Variants in FSTL5 observed in about 807,000 individuals in gnomAD.
FSTL5 encodes the protein follistatin-related protein 5.
A neutral mutation model predicts 89.1 loss-of-function variants in FSTL5; 62 were observed. That is an observed-to-expected ratio of 0.70 (90% CI 0.57 to 0.86). The LOEUF is 0.86. Among genes scored for constraint, FSTL5 ranks in the 40% least tolerant of loss-of-function variants. The pLI, the probability that FSTL5 is intolerant of heterozygous loss-of-function variation, is 0.00. For synonymous variants in FSTL5, 383 were observed against 346.2 expected (o/e 1.11, Z -1.18); for missense variants, 1,057 against 1,001.6 (o/e 1.06, Z -0.75).
intron 3 of FSTL5, among the ~76,000 whole-genome samples, chr4:161,977,633 AAAAAAAAAT>A (rs1487423682): frequency 1.2e-4 from 13 of 112,536 alleles, no homozygotes; most frequent in African/African-American, 7.3e-5. Context: ...AAAAAAAAAA[AAAAAAAAAT>A]AATAATAATA....
At chr4:161,990,300 C>G (rs1378202872) in intron 3 of FSTL5, among the ~76,000 whole-genome samples, 3 of 152,000 alleles carry the variant, frequency 2.0e-5, no homozygotes, top group Admixed American at 1.3e-4. Flanking sequence ...TAACAAAATG[C>G]CTTCTTTATC....
intron 2 of FSTL5, 143 bp from the exon 3 acceptor site, chr4:162,033,801 C>A (rs2111198268): frequency 1.9e-6 from 1 of 536,266 alleles, no homozygotes; most frequent in East Asian, 3.3e-5. Flanking sequence ...AAAATATTTA[C>A]ATATAATTTT....
intron 4 of FSTL5, among the ~76,000 whole-genome samples, chr4:161,831,700 C>G (rs568692061): frequency 2.0e-5 from 3 of 151,676 alleles, no homozygotes; most frequent in Admixed American, 6.6e-5. Context: ...AAAGTAAGAA[C>G]TTTTTAGGAA....
At chr4:161,959,460 A>G (rs1735112736) in intron 3 of FSTL5, among the ~76,000 whole-genome samples, 1 of 152,092 alleles carries the variant, frequency 6.6e-6, no homozygotes, top group Admixed American at 6.6e-5. Context: ...ATAGTTTCTA[A>G]TGAATTAATG....
intron 8 of FSTL5, among the ~76,000 whole-genome samples, chr4:161,555,218 G>A (rs1007320934): frequency 4.0e-5 from 6 of 151,434 alleles, no homozygotes; most frequent in African/African-American, 1.5e-4. Context: ...TTTTGAAAGA[G>A]ACAGTTCACC....
chr4:161,747,638 T>G (rs1740246322), intron 6 of FSTL5, among the ~76,000 whole-genome samples: 1 of 152,150 alleles, frequency 6.6e-6, no homozygotes, highest in Non-Finnish European at 1.5e-5. Context: ...ACAACTAGGG[T>G]CTGTTTACCT....
At chr4:161,407,826 C>T (rs1731438907) in intron 15 of FSTL5, among the ~76,000 whole-genome samples, 3 of 152,306 alleles carry the variant, frequency 2.0e-5, no homozygotes, top group Admixed American at 6.5e-5. Context: ...CACTGCCCAG[C>T]CTGAGTGCTT....
chr4:161,826,602 T>TTTG (rs1242847448), intron 4 of FSTL5, among the ~76,000 whole-genome samples: 1 of 151,552 alleles, frequency 6.6e-6, no homozygotes, highest in Non-Finnish European at 1.5e-5. Flanking sequence ...GGATTGTCAT[T>TTTG]TTGTTGTTGT....
chr4:161,477,430 T>C (rs1729322297), intron 13 of FSTL5, among the ~76,000 whole-genome samples: 1 of 150,104 alleles, frequency 6.7e-6, no homozygotes, highest in South Asian at 2.1e-4. Flanking sequence ...AAATTATTAA[T>C]TATTATAGTT....
At chr4:161,531,552 A>C (rs931258083) in intron 10 of FSTL5, among the ~76,000 whole-genome samples, 1 of 152,226 alleles carries the variant, frequency 6.6e-6, no homozygotes, top group Non-Finnish European at 1.5e-5. Flanking sequence ...TAATTCTCAA[A>C]TATATAATAG....
chr4:161,659,948 C>G (rs756191060), intron 6 of FSTL5, among the ~76,000 whole-genome samples: 1 of 152,120 alleles, frequency 6.6e-6, no homozygotes, highest in African/African-American at 2.4e-5. Flanking sequence ...ATCCTTTCTG[C>G]TCTAATGACC....
At chr4:161,428,553 T>C (rs910818109) in intron 15 of FSTL5, among the ~76,000 whole-genome samples, 4 of 152,174 alleles carry the variant, frequency 2.6e-5, no homozygotes, top group Admixed American at 6.5e-5. Flanking sequence ...GTTAGGGCAA[T>C]TGGCAGAGCT....
chr4:162,099,117 T>C (rs1189929234), intron 2 of FSTL5, among the ~76,000 whole-genome samples: 1 of 152,132 alleles, frequency 6.6e-6, no homozygotes, highest in Admixed American at 6.6e-5. Context: ...ACTGGGATAG[T>C]CATCACCTCG....
At chr4:161,852,653 T>C (rs1188086485) in intron 4 of FSTL5, among the ~76,000 whole-genome samples, 1 of 152,158 alleles carries the variant, frequency 6.6e-6, no homozygotes, top group Non-Finnish European at 1.5e-5. Context: ...TATAAAGATA[T>C]GTGAATCTGT....
In FSTL5 at chr4:161,979,062, T is replaced by G. The variant is rs568179025; in HGVS notation, c.160+54563A>C. Reference sequence around the variant, plus strand: ...TTATCAGACTGTTATAAAGATTAGATCAAGCTAATGCATTAAATCATGAGA... The same window carrying G: ...TTATCAGACTGTTATAAAGATTAGAGCAAGCTAATGCATTAAATCATGAGA... On this transcript the variant is annotated intron_variant, in intron 3 of 15. Coordinates refer to ENST00000306100, the MANE Select transcript of FSTL5 (RefSeq NM_020116.5). Among the ~76,000 whole-genome samples the G allele has an allele frequency of 2.0e-5, 3 of 152,318 alleles. No individual in the cohort carries two copies. In the South Asian group the frequency reaches 6.2e-4, roughly 32 times the overall value.
chr4:161,956,052 T>C (rs994467641), intron 3 of FSTL5, among the ~76,000 whole-genome samples: 3 of 151,894 alleles, frequency 2.0e-5, no homozygotes, highest in African/African-American at 7.2e-5. Flanking sequence ...AGGATATTGA[T>C]TGTCATAGTG....
intron 2 of FSTL5, among the ~76,000 whole-genome samples, chr4:162,107,440 T>C (rs564972083): frequency 2.4e-4 from 37 of 152,250 alleles, no homozygotes; most frequent in African/African-American, 8.9e-4. Context: ...ACACTAATTC[T>C]AAAGACGGCT....
intron 3 of FSTL5, among the ~76,000 whole-genome samples, chr4:161,948,930 G>A (rs1734814182): frequency 6.6e-6 from 1 of 152,052 alleles, no homozygotes; most frequent in Non-Finnish European, 1.5e-5. Context: ...TCCCATTGAT[G>A]CTGTGACAAA....
intron 4 of FSTL5, among the ~76,000 whole-genome samples, chr4:161,825,207 A>G (rs1730629573): frequency 6.6e-6 from 1 of 152,138 alleles, no homozygotes; most frequent in African/African-American, 2.4e-5. Context: ...TTGATTGTGT[A>G]TGTGAAACCA....
Sources: gnomAD v4.1 joint callset for allele counts (sites outside exome capture counted in the v4.1 genomes callset) on GRCh38, gnomAD v4.1.1 for gene constraint, MANE v1.5 for transcripts, NCBI Gene and HGNC (gene_info 2026-07-23, HGNC 2026-07-21) for gene names.